Variants in SLC4A4 observed in about 807,000 individuals in gnomAD.
SLC4A4 encodes solute carrier family 4 member 4.
A neutral mutation model predicts 111.5 loss-of-function variants in SLC4A4; 27 were observed. That is an observed-to-expected ratio of 0.24 (90% CI 0.18 to 0.33). SLC4A4 has a LOEUF of 0.33. SLC4A4 is among the 10% of genes least tolerant of loss of function. The pLI is 1.00. For synonymous variants in SLC4A4, 443 were observed against 463.4 expected, an observed-to-expected ratio of 0.96 and a Z score of 0.57; for missense variants, 909 against 1,315.5, an observed-to-expected ratio of 0.69 and a Z score of 4.78.
chr4:71,322,494 C>T (rs555025463), intron 3 of SLC4A4, among the ~76,000 whole-genome samples: 5 of 151,974 alleles, frequency 3.3e-5, no homozygotes, highest in Admixed American at 1.3e-4. Flanking sequence ...TGCACTCGAA[C>T]AAATCTGTAG....
rs1733979744 is a variant in SLC4A4, at chr4:71,532,062, G to A, written c.2167G>A (p.Ala723Thr). 1 of 1,591,104 alleles carries A rather than the reference G, an allele frequency of 6.3e-7. No homozygotes were observed. The highest frequency in any genetic ancestry group is 8.6e-7 in the Non-Finnish European group (1 of 1,159,744). Residue 723 changes from alanine to threonine, a missense_variant and splice_region_variant, in exon 17 of 26, where the codon GCA becomes ACA. Transcript: ENST00000264485. ...FKTSPYFPTT[A>T]RKLISDFAII... ...CCTGGTTTCTTTTTTATTTTTCCAGGCAAGAAAACTGATCAGTGATTTTGC... is the reference window on the plus strand; with the variant it reads ...CCTGGTTTCTTTTTTATTTTTCCAGACAAGAAAACTGATCAGTGATTTTGC...
At chr4:71,203,162 C>G (rs1746334831) in intron 1 of SLC4A4, among the ~76,000 whole-genome samples, 1 of 152,070 alleles carries the variant, frequency 6.6e-6, no homozygotes, top group South Asian at 2.1e-4. Context: ...CAATGTATTG[C>G]ATAACAAGTC....
intron 15 of SLC4A4, among the ~76,000 whole-genome samples, chr4:71,488,920 G>GTT (rs1729657431): frequency 6.6e-6 from 1 of 151,216 alleles, no homozygotes; most frequent in Admixed American, 6.6e-5. Context: ...GTGTGTGTGT[G>GTT]TGTGTGTGGT....
chr4:71,084,830 G>A (rs1258564262), intron 1 of SLC4A4, among the ~76,000 whole-genome samples: 1 of 152,024 alleles, frequency 6.6e-6, no homozygotes, highest in Non-Finnish European at 1.5e-5. Flanking sequence ...TTGGTTCCAA[G>A]TCTTTGCTAT....
At chr4:71,234,386 A>G (rs1719653035) in intron 1 of SLC4A4, among the ~76,000 whole-genome samples, 4 of 152,240 alleles carry the variant, frequency 2.6e-5, no homozygotes, top group Non-Finnish European at 5.9e-5. Flanking sequence ...CCTCATGGGA[A>G]CCAGGGGCTT....
chr4:71,169,325 T>A (rs1266411998), intron 2 of SLC4A4, among the ~76,000 whole-genome samples: 1 of 152,022 alleles, frequency 6.6e-6, no homozygotes, highest in Non-Finnish European at 1.5e-5. Context: ...TCTATTTTTA[T>A]TTTTTTGAGG....
intron 3 of SLC4A4, among the ~76,000 whole-genome samples, chr4:71,337,518 T>C (rs1728527184): frequency 6.6e-6 from 1 of 152,202 alleles, no homozygotes; most frequent in South Asian, 2.1e-4. Flanking sequence ...TTAGGATTTT[T>C]CTGTTTTCTC....
At chr4:71,162,646 T>C (rs1330444678) in intron 2 of SLC4A4, among the ~76,000 whole-genome samples, 1 of 152,200 alleles carries the variant, frequency 6.6e-6, no homozygotes, top group African/African-American at 2.4e-5. Context: ...TTAAAGAGAT[T>C]AGCTCAGGAA....
intron 5 of SLC4A4, among the ~76,000 whole-genome samples, chr4:71,356,738 T>C (rs887240136): frequency 7.9e-5 from 12 of 152,180 alleles, no homozygotes; most frequent in African/African-American, 2.9e-4. Flanking sequence ...TACTGACTTA[T>C]TGTGTTACAG....
chr4:71,266,599 A>G (rs1297095813), intron 3 of SLC4A4, among the ~76,000 whole-genome samples: 1 of 152,200 alleles, frequency 6.6e-6, no homozygotes, highest in Non-Finnish European at 1.5e-5. Flanking sequence ...GAAATAAGCT[A>G]ATGTAACTGC....
chr4:71,197,752 G>A (rs1292230991), intron 1 of SLC4A4, among the ~76,000 whole-genome samples: 1 of 152,106 alleles, frequency 6.6e-6, no homozygotes, highest in Non-Finnish European at 1.5e-5. Flanking sequence ...ATAAGGAATA[G>A]CAATTTTTAT....
chr4:71,369,265 A>G (rs1309263661), intron 6 of SLC4A4, among the ~76,000 whole-genome samples: 1 of 152,182 alleles, frequency 6.6e-6, no homozygotes, highest in African/African-American at 2.4e-5. Context: ...TAAGATGTAA[A>G]TATTCCTAAA....
intron 2 of SLC4A4, among the ~76,000 whole-genome samples, chr4:71,109,763 G>A (rs1002171109): frequency 3.3e-5 from 5 of 151,948 alleles, no homozygotes; most frequent in South Asian, 2.1e-4. Context: ...GGCTGGTCTC[G>A]AAACCCTGAC....
intron 3 of SLC4A4, among the ~76,000 whole-genome samples, chr4:71,287,045 C>T (rs1213112449): frequency 3.9e-5 from 6 of 152,112 alleles, no homozygotes; most frequent in Admixed American, 1.3e-4. Flanking sequence ...TTCATGCTTT[C>T]ACTCTGGGTA....
Position 71,336,295 on chromosome 4 carries a change from A to C in SLC4A4, c.254-3075A>C, listed in dbSNP as rs1323161557. ...ACCGTAGTGCATGACTGTAAAAAAA[A>C]GACTTTGCAAACTGAAATTATGCAA... On this transcript the variant is annotated intron_variant, in intron 3 of 25. Coordinates refer to ENST00000264485, the MANE Select transcript of SLC4A4 (RefSeq NM_001098484.3). Among the ~76,000 whole-genome samples the C allele has an allele frequency of 2.6e-5, 4 of 152,216 alleles. No homozygotes were observed. The East Asian group carries it at 7.7e-4, about 29-fold the overall frequency.
chr4:71,118,949 T>C (rs1485034106), intron 2 of SLC4A4, among the ~76,000 whole-genome samples: 1 of 152,192 alleles, frequency 6.6e-6, no homozygotes, highest in African/African-American at 2.4e-5. Context: ...CTCTTAGGAC[T>C]GTAAAACCAT....
chr4:71,501,949 C>T (rs1050240306), intron 16 of SLC4A4, among the ~76,000 whole-genome samples: 1 of 151,926 alleles, frequency 6.6e-6, no homozygotes, highest in African/African-American at 2.4e-5. Context: ...AGGCGTGAAC[C>T]ACCATGCCTG....
At chr4:71,298,400 C>T (rs969295917) in intron 3 of SLC4A4, among the ~76,000 whole-genome samples, 1 of 152,194 alleles carries the variant, frequency 6.6e-6, no homozygotes, top group Non-Finnish European at 1.5e-5. Flanking sequence ...TTAGTTTCTA[C>T]ACAGCCTTGT....
At chr4:71,432,484 T>G (rs1723730219) in intron 7 of SLC4A4, among the ~76,000 whole-genome samples, 2 of 152,176 alleles carry the variant, frequency 1.3e-5, no homozygotes, top group African/African-American at 4.8e-5. Flanking sequence ...GCCCTTCCCA[T>G]GGATATTCTT....
Sources: allele counts gnomAD v4.1 joint callset (sites outside exome capture counted in the v4.1 genomes callset), GRCh38; gene constraint gnomAD v4.1.1; transcripts MANE v1.5; gene names NCBI Gene and HGNC (gene_info 2026-07-23, HGNC 2026-07-21).